SLC25A48: variants seen among roughly 807,000 people sequenced by gnomAD.
SLC25A48 encodes CTC-321K16.1.
SLC25A48 carries 29 observed loss-of-function variants against 32.2 expected under a neutral mutation model. That is an observed-to-expected ratio of 0.90 (90% confidence interval 0.67 to 1.23). The LOEUF is 1.23. Among genes scored for constraint, SLC25A48 ranks in the 50% most tolerant of loss-of-function variants. SLC25A48 has a pLI of 0.00. For synonymous variants in SLC25A48, 164 were observed against 172.3 expected (o/e 0.95, Z 0.38); for missense variants, 399 against 422.7 (o/e 0.94, Z 0.49).
chr5:135,876,131 C>CTTTTTTTTTTTT, intron 6 of SLC25A48: 1 of 24,398 alleles, frequency 4.1e-5, no homozygotes, highest in Non-Finnish European at 8.6e-5. Context: ...TTTTCTTCTT[C>CTTTTTTTTTTTT]TTTTTTTTTT....
intron 3 of SLC25A48, among the ~76,000 whole-genome samples, chr5:135,688,301 T>G (rs1005004908): frequency 6.6e-6 from 1 of 152,212 alleles, no homozygotes; most frequent in Non-Finnish European, 1.5e-5. Flanking sequence ...ATTGCTTCCA[T>G]GTTTCTCTCA....
intron 3 of SLC25A48, among the ~76,000 whole-genome samples, chr5:135,643,283 T>A (rs1199544868): frequency 6.6e-6 from 1 of 152,228 alleles, no homozygotes; most frequent in African/African-American, 2.4e-5. Flanking sequence ...GCCAGAGTCC[T>A]TGTGTGTTTT....
intron 2 of SLC25A48, among the ~76,000 whole-genome samples, chr5:135,631,656 A>C (rs1389264041): frequency 6.6e-6 from 1 of 152,242 alleles, no homozygotes; most frequent in Non-Finnish European, 1.5e-5. Context: ...GATCAGCATA[A>C]CTGTCAAAGT....
intron 3 of SLC25A48, among the ~76,000 whole-genome samples, chr5:135,792,394 A>G (rs1757055326): frequency 6.6e-6 from 1 of 151,668 alleles, no homozygotes; most frequent in African/African-American, 2.4e-5. Context: ...TATCATTTCT[A>G]TTATCCTAAG....
At chr5:135,879,906 C>T (rs1025033264) in intron 6 of SLC25A48, 62 bp from the exon 7 acceptor site, 1 of 1,519,788 alleles carries the variant, frequency 6.6e-7, no homozygotes, top group Non-Finnish European at 8.8e-7. Flanking sequence ...CTCTGCCCCT[C>T]CTTGGTGGCC....
rs1439055678 is a variant in SLC25A48 at position 135,781,060 on chromosome 5, C to T, written c.-520-31463C>T. Among the ~76,000 whole-genome samples the T allele has an allele frequency of 1.7e-5, 2 of 115,534 alleles. 1 individual carries two copies. The highest frequency in any genetic ancestry group is 5.3e-5 in the African/African-American group (2 of 38,076). The allele number at this position is 115,534 out of a possible 152,430, so 75.8% of individuals were successfully genotyped here. ...CTTCCAATATTGCAGGGGGCGTACA[C>T]CACCTCTGATATTGTTCCTAATATT... is the stretch of plus-strand genomic sequence containing the variant. On this transcript the variant is annotated intron_variant, in intron 3 of 10. Transcript: ENST00000646290.
intron 1 of SLC25A48, among the ~76,000 whole-genome samples, chr5:135,619,719 G>A (rs1361438975): frequency 2.6e-5 from 4 of 152,038 alleles, no homozygotes; most frequent in African/African-American, 4.8e-5. Flanking sequence ...GATTCTGGGT[G>A]TGTTCAATAC....
At chr5:135,737,878 C>CTGTG (rs1408574293) in intron 3 of SLC25A48, among the ~76,000 whole-genome samples, 1 of 152,200 alleles carries the variant, frequency 6.6e-6, no homozygotes. Flanking sequence ...TGTCTCAAAC[C>CTGTG]TGTGCATGGG....
intron 1 of SLC25A48, among the ~76,000 whole-genome samples, chr5:135,597,832 T>C (rs1162743510): frequency 6.6e-6 from 1 of 152,078 alleles, no homozygotes. Context: ...GGTGAAACCT[T>C]GCCTCTACTA....
intron 4 of SLC25A48, among the ~76,000 whole-genome samples, chr5:135,817,368 G>A (rs1476003102): frequency 6.6e-6 from 1 of 152,180 alleles, no homozygotes; most frequent in Admixed American, 6.5e-5. Flanking sequence ...GAACAGAATA[G>A]ACAATCCAGG....
At chr5:135,674,025 A>C (rs7710890) in intron 3 of SLC25A48, among the ~76,000 whole-genome samples, 114,366 of 151,740 alleles carry the variant, frequency 0.75, 43,584 homozygotes, top group Middle Eastern at 0.87. Flanking sequence ...CATCAACCAC[A>C]TGTGTGGTTG....
At chr5:135,702,359 G>A (rs2126967265) in intron 3 of SLC25A48, among the ~76,000 whole-genome samples, 1 of 152,376 alleles carries the variant, frequency 6.6e-6, no homozygotes, top group Non-Finnish European at 1.5e-5. Context: ...CAGAGACACA[G>A]GGAGGATGCC....
At chr5:135,603,698 C>CT (rs1751859795) in intron 1 of SLC25A48, among the ~76,000 whole-genome samples, 1 of 152,326 alleles carries the variant, frequency 6.6e-6, no homozygotes, top group East Asian at 1.9e-4. Flanking sequence ...GTGTTTCAGC[C>CT]TTGGGGGAAG....
chr5:135,648,920 C>T (rs1485621151), intron 3 of SLC25A48: 1 of 152,274 alleles, frequency 6.6e-6, no homozygotes, highest in East Asian at 1.9e-4. Context: ...CTGTGGCTGC[C>T]CAGAACTGGG....
At chr5:135,743,674 G>C (rs1755563827) in intron 3 of SLC25A48, among the ~76,000 whole-genome samples, 1 of 152,176 alleles carries the variant, frequency 6.6e-6, no homozygotes, top group Admixed American at 6.5e-5. Flanking sequence ...CAACACTGCT[G>C]TCCTCCTCCC....
rs527815487 is a variant in SLC25A48, at chr5:135,590,793, A to G, written c.-849+11196A>G. Among the ~76,000 whole-genome samples, 322 of 152,326 alleles carry G rather than the reference A, an allele frequency of 2.1e-3. 1 individual carries two copies. The highest frequency in any genetic ancestry group is 7.5e-3 in the African/African-American group (311 of 41,576). On this transcript the variant is annotated intron_variant, in intron 1 of 10. Coordinates refer to the SLC25A48 transcript ENST00000646290. ...GTGAGACCTGAGATCCAGACACGCCATGGCTCTCAGGCAGGGCAGCCCAAA... is the reference window on the plus strand; with the variant it reads ...GTGAGACCTGAGATCCAGACACGCCGTGGCTCTCAGGCAGGGCAGCCCAAA...
intron 3 of SLC25A48, among the ~76,000 whole-genome samples, chr5:135,774,614 T>C (rs1313275467): frequency 1.3e-5 from 2 of 151,722 alleles, no homozygotes; most frequent in African/African-American, 2.4e-5. Context: ...GTTCCTATTA[T>C]CCAGAGGGAA....
intron 4 of SLC25A48, among the ~76,000 whole-genome samples, chr5:135,855,545 G>A (rs535848288): frequency 6.6e-6 from 1 of 152,340 alleles, no homozygotes; most frequent in East Asian, 1.9e-4. Flanking sequence ...CCACTGGTGA[G>A]TGAGAGCCAC....
At chr5:135,753,347 G>A (rs1344217789) in intron 3 of SLC25A48, among the ~76,000 whole-genome samples, 1 of 151,940 alleles carries the variant, frequency 6.6e-6, no homozygotes, top group Non-Finnish European at 1.5e-5. Context: ...CACTATGATA[G>A]TAGCAGTAAT....
Sources: allele counts gnomAD v4.1 joint callset (sites outside exome capture counted in the v4.1 genomes callset), GRCh38; gene constraint gnomAD v4.1.1; transcripts MANE v1.5; gene names NCBI Gene and HGNC (gene_info 2026-07-23, HGNC 2026-07-21).